The following PDZRN4 variants were observed in gnomAD, a reference collection of about 807,000 sequenced individuals.
PDZRN4 encodes PDZ domain containing ring finger 4.
In PDZRN4, 70 loss-of-function variants were observed where a neutral mutation model predicts 99.0. The ratio of observed to expected loss-of-function variants is 0.71; its 90% CI spans 0.58 to 0.86. The LOEUF is 0.86. PDZRN4 is among the 40% of genes least tolerant of loss of function. The pLI, the probability that PDZRN4 is intolerant of heterozygous loss-of-function variation, is 0.00. For synonymous variants in PDZRN4, 551 were observed against 501.6 expected (o/e 1.10, Z -1.32); for missense variants, 1,474 against 1,331.2 (o/e 1.11, Z -1.67).
chr12:41,460,066 G>A, intron 3 of PDZRN4: 1 of 1,284,654 alleles, frequency 7.8e-7, no homozygotes, highest in South Asian at 1.3e-5. Flanking sequence ...CCTTGTGAAT[G>A]AGTGGTAAAT....
At chr12:41,336,932 G>A (rs2121006271) in intron 3 of PDZRN4, among the ~76,000 whole-genome samples, 1 of 152,236 alleles carries the variant, frequency 6.6e-6, no homozygotes, top group Non-Finnish European at 1.5e-5. Context: ...CTACAATAGT[G>A]ATGTTATCCC....
rs758898694 is a variant in PDZRN4 at position 41,194,103 on chromosome 12, C to G, written c.758C>G (p.Thr253Ser). ...PNQNNQEGTS[T>S]EGIYVSKILE... is the part of the protein sequence containing the mutation. ...TAGAATAATCAGGAAGGAACATCGACTGAAGGAATTTACGTTTCAAAAATT... is the reference window on the plus strand; with the variant it reads ...TAGAATAATCAGGAAGGAACATCGAGTGAAGGAATTTACGTTTCAAAAATT... Residue 253 changes from threonine (T) to serine (S), a missense_variant, in exon 3 of 10, where the codon ACT becomes AGT. Thr to Ser is a moderately conservative substitution (Grantham distance 58, BLOSUM62 1). Transcript: ENST00000402685. 6.5e-7 allele frequency: 1 copy of G among 1,528,620 alleles called. No homozygotes were observed. The highest frequency in any genetic ancestry group is 9.0e-7 in the Non-Finnish European group (1 of 1,115,300). The allele number at this position is 1,528,620 out of a possible 1,614,324, so 94.7% of individuals were successfully genotyped here. A position where few individuals can be genotyped will look rare whatever the true frequency, so the allele number is the denominator to read the frequency against.
chr12:41,403,681 T>C (rs928015942), intron 3 of PDZRN4, among the ~76,000 whole-genome samples: 1 of 152,170 alleles, frequency 6.6e-6, no homozygotes, highest in Non-Finnish European at 1.5e-5. Flanking sequence ...AGAACAATCA[T>C]GAGATTGTTT....
intron 3 of PDZRN4, among the ~76,000 whole-genome samples, chr12:41,271,526 T>C (rs998513625): frequency 6.6e-6 from 1 of 152,150 alleles, no homozygotes; most frequent in East Asian, 1.9e-4. Context: ...CCACCTTGAA[T>C]CTTGCCAATT....
intron 3 of PDZRN4, among the ~76,000 whole-genome samples, chr12:41,366,961 A>T (rs1342025883): frequency 6.6e-6 from 1 of 152,000 alleles, no homozygotes; most frequent in Non-Finnish European, 1.5e-5. Context: ...GGTGATACAG[A>T]GCATGGATAG....
At chr12:41,242,854 A>C (rs1415761376) in intron 3 of PDZRN4, among the ~76,000 whole-genome samples, 1 of 152,204 alleles carries the variant, frequency 6.6e-6, no homozygotes, top group Non-Finnish European at 1.5e-5. Flanking sequence ...TTAGCAAAAA[A>C]TTGCAGTGCC....
chr12:41,442,755 G>T (rs1238735988), intron 3 of PDZRN4, among the ~76,000 whole-genome samples: 1 of 152,124 alleles, frequency 6.6e-6, no homozygotes, highest in African/African-American at 2.4e-5. Flanking sequence ...AGGGTACAAA[G>T]GAATGTTGGT....
chr12:41,509,304 A>G (rs1052981460), intron 4 of PDZRN4, among the ~76,000 whole-genome samples: 5 of 152,116 alleles, frequency 3.3e-5, no homozygotes, highest in East Asian at 3.9e-4. Context: ...GGATCTTAAG[A>G]AAGAGAGGAG....
At chr12:41,221,624 G>A (rs963557216) in intron 3 of PDZRN4, among the ~76,000 whole-genome samples, 19 of 152,002 alleles carry the variant, frequency 1.2e-4, no homozygotes, top group Non-Finnish European at 5.9e-5. Flanking sequence ...TTTTAAAAGT[G>A]TAGTAATTTA....
intron 2 of PDZRN4, among the ~76,000 whole-genome samples, chr12:41,193,707 T>C (rs932658953): frequency 2.6e-5 from 4 of 152,208 alleles, no homozygotes; most frequent in Non-Finnish European, 5.9e-5. Flanking sequence ...GAACCAGATA[T>C]ATGTTTTTTT....
chr12:41,301,205 G>A (rs1011658492), intron 3 of PDZRN4, among the ~76,000 whole-genome samples: 2 of 151,948 alleles, frequency 1.3e-5, no homozygotes, highest in African/African-American at 4.8e-5. Flanking sequence ...AGGCAGAAAC[G>A]ATGAGAAAGG....
At chr12:41,557,667 G>A (rs1367349465) in intron 7 of PDZRN4, among the ~76,000 whole-genome samples, 1 of 151,458 alleles carries the variant, frequency 6.6e-6, no homozygotes, top group Non-Finnish European at 1.5e-5. Context: ...CCTCTAGCTA[G>A]ATAGTGCAGA....
intron 9 of PDZRN4, among the ~76,000 whole-genome samples, 181 bp downstream of exon 9, chr12:41,568,080 A>C (rs1939409523): frequency 1.3e-5 from 2 of 152,204 alleles, no homozygotes; most frequent in Non-Finnish European, 2.9e-5. Context: ...ATGTTTTTCC[A>C]TTAAGAATAT....
At chr12:41,189,419 C>T (rs1301327145) in intron 1 of PDZRN4, among the ~76,000 whole-genome samples, 1 of 152,158 alleles carries the variant, frequency 6.6e-6, no homozygotes, top group Non-Finnish European at 1.5e-5. Context: ...TTTCACCCTC[C>T]TGCCCACCGT....
intron 3 of PDZRN4, among the ~76,000 whole-genome samples, chr12:41,340,421 AGAGGCTGGGAAGGGTAGT>A (rs1319050847): frequency 6.6e-6 from 1 of 151,968 alleles, no homozygotes; most frequent in Admixed American, 6.6e-5. Flanking sequence ...AATGGTTACC[AGAGGCTGGGAAGGGTAGT>A]GAGGTTGGGG....
intron 3 of PDZRN4, among the ~76,000 whole-genome samples, chr12:41,269,869 C>T (rs896307616): frequency 6.6e-6 from 1 of 152,120 alleles, no homozygotes; most frequent in African/African-American, 2.4e-5. Flanking sequence ...AAAGTCAACA[C>T]CAGGTTTTAA....
At chr12:41,323,402 T>C (rs1408842061) in intron 3 of PDZRN4, among the ~76,000 whole-genome samples, 1 of 152,086 alleles carries the variant, frequency 6.6e-6, no homozygotes, top group East Asian at 1.9e-4. Flanking sequence ...TTGAATTTGA[T>C]AGATATCTAA....
At chr12:41,468,225 G>A (rs896117236) in intron 3 of PDZRN4, among the ~76,000 whole-genome samples, 1 of 152,146 alleles carries the variant, frequency 6.6e-6, no homozygotes, top group African/African-American at 2.4e-5. Context: ...AACTGAACAT[G>A]AGCCATTGAA....
At chr12:41,295,508 C>T (rs1263136806) in intron 3 of PDZRN4, among the ~76,000 whole-genome samples, 1 of 152,004 alleles carries the variant, frequency 6.6e-6, no homozygotes, top group Non-Finnish European at 1.5e-5. Flanking sequence ...CACAGAAATG[C>T]ACTATCCCTA....
Sources: gnomAD v4.1 joint callset for allele counts (sites outside exome capture counted in the v4.1 genomes callset) on GRCh38, gnomAD v4.1.1 for gene constraint, MANE v1.5 for transcripts, NCBI Gene and HGNC (gene_info 2026-07-23, HGNC 2026-07-21) for gene names.